NEDD9: variants seen among roughly 807,000 people sequenced by gnomAD.
NEDD9 encodes neural precursor cell expressed, developmentally down-regulated 9, also known as enhancer of filamentation 1.
A neutral mutation model predicts 76.6 loss-of-function variants in NEDD9; 26 were observed. That is an observed-to-expected ratio of 0.34 (90% CI 0.25 to 0.47). NEDD9 has a LOEUF of 0.47. Among genes scored for constraint, NEDD9 ranks in the 20% least tolerant of loss-of-function variants. The pLI, the probability that NEDD9 is intolerant of heterozygous loss-of-function variation, is 1.00. For missense variants in NEDD9, 937 were observed against 1,058.5 expected (o/e 0.89, Z 1.59); for synonymous variants, 392 against 414.2 (o/e 0.95, Z 0.65).
At chr6:11,233,178 C>T (rs1759531724), upstream of NEDD9, 7 of 513,392 alleles carry the variant, frequency 1.4e-5, no homozygotes, top group South Asian at 7.0e-5. Context: ...TTTCCCCCTC[C>T]TCCCGCCTAC....
At chr6:11,371,411 T>C (rs1762872360) in intron 1 of NEDD9, among the ~76,000 whole-genome samples, 1 of 152,140 alleles carries the variant, frequency 6.6e-6, no homozygotes, top group Non-Finnish European at 1.5e-5. Flanking sequence ...CCTCAAATCT[T>C]CCATGCCTCA....
intron 3 of NEDD9, among the ~76,000 whole-genome samples, chr6:11,301,873 G>C (rs896504741): frequency 6.6e-6 from 1 of 152,210 alleles, no homozygotes; most frequent in Non-Finnish European, 1.5e-5. Context: ...GCAGTGTGTA[G>C]AGGGAAATTT....
At chr6:11,378,625 A>G (rs1763007005) in intron 1 of NEDD9, among the ~76,000 whole-genome samples, 1 of 152,180 alleles carries the variant, frequency 6.6e-6, no homozygotes, top group Admixed American at 6.5e-5. Context: ...GATACCTTAT[A>G]TATACTTTTT....
chr6:11,230,198 C>A (rs909574062), intron 1 of NEDD9, among the ~76,000 whole-genome samples: 1 of 152,184 alleles, frequency 6.6e-6, no homozygotes, highest in African/African-American at 2.4e-5. Flanking sequence ...AAGAAATTAT[C>A]CTGCAGGAAT....
intron 2 of NEDD9, among the ~76,000 whole-genome samples, chr6:11,306,589 G>T (rs1427358571): frequency 6.6e-6 from 1 of 152,106 alleles, no homozygotes; most frequent in African/African-American, 2.4e-5. Flanking sequence ...TACAGTTTTA[G>T]TCTTGTCATT....
intron 3 of NEDD9, among the ~76,000 whole-genome samples, chr6:11,278,072 C>T (rs151248185): frequency 7.2e-4 from 109 of 152,300 alleles, no homozygotes; most frequent in African/African-American, 2.6e-3. Context: ...CTCTCTGCTG[C>T]CTCCCTGCTT....
intron 1 of NEDD9, among the ~76,000 whole-genome samples, chr6:11,335,299 A>T (rs1762133465): frequency 6.6e-6 from 1 of 152,156 alleles, no homozygotes; most frequent in Non-Finnish European, 1.5e-5. Context: ...TCCAAAGCCA[A>T]ACTTGCACCA....
intron 2 of NEDD9, among the ~76,000 whole-genome samples, chr6:11,309,031 A>G (rs1433399585): frequency 6.6e-6 from 1 of 152,190 alleles, no homozygotes; most frequent in Non-Finnish European, 1.5e-5. Flanking sequence ...GGGCCTGCCT[A>G]CAGGTGACTA....
intron 3 of NEDD9, among the ~76,000 whole-genome samples, chr6:11,293,998 A>C (rs1405444064): frequency 8.3e-6 from 1 of 120,952 alleles, no homozygotes; most frequent in South Asian, 3.1e-4. Context: ...ATAGAATTCC[A>C]TTGTGTAAGT....
chr6:11,248,535 C>T (rs886435818), intron 3 of NEDD9, among the ~76,000 whole-genome samples: 6 of 152,204 alleles, frequency 3.9e-5, no homozygotes, highest in African/African-American at 7.2e-5. Flanking sequence ...GTACAGAAAA[C>T]GGCAATAGGC....
chr6:11,280,000 C>T (rs1760502498), intron 3 of NEDD9, among the ~76,000 whole-genome samples: 2 of 152,168 alleles, frequency 1.3e-5, no homozygotes, highest in Non-Finnish European at 2.9e-5. Flanking sequence ...CCTGCCTGGG[C>T]AGGATTCTCA....
intron 2 of NEDD9, among the ~76,000 whole-genome samples, chr6:11,308,795 C>G (rs541124804): frequency 2.0e-4 from 31 of 152,174 alleles, no homozygotes; most frequent in Non-Finnish European, 3.8e-4. Flanking sequence ...TTGTCATGCT[C>G]CAAGGAATCC....
chr6:11,291,431 A>C (rs867174280), intron 3 of NEDD9, among the ~76,000 whole-genome samples: 1 of 151,808 alleles, frequency 6.6e-6, no homozygotes, highest in Non-Finnish European at 1.5e-5. Flanking sequence ...CCTGCCACCA[A>C]GCCCAGCTAA....
At chr6:11,224,285 G>A (rs1759240307) in intron 1 of NEDD9, among the ~76,000 whole-genome samples, 1 of 152,182 alleles carries the variant, frequency 6.6e-6, no homozygotes, top group South Asian at 2.1e-4. Flanking sequence ...CAGTGCCTCT[G>A]GGCCTCTGTG....
intron 2 of NEDD9, among the ~76,000 whole-genome samples, chr6:11,313,428 G>A (rs1215090860): frequency 7.3e-6 from 1 of 137,720 alleles, no homozygotes; most frequent in African/African-American, 2.6e-5. Flanking sequence ...TAGATGGATG[G>A]GTGGGTGGGT....
intron 3 of NEDD9, among the ~76,000 whole-genome samples, chr6:11,288,008 C>A (rs558543510): frequency 6.6e-6 from 1 of 152,276 alleles, no homozygotes; most frequent in East Asian, 1.9e-4. Context: ...TGGCACATGG[C>A]CTGTTAAAAT....
intron 3 of NEDD9, among the ~76,000 whole-genome samples, chr6:11,291,367 C>T (rs538386954): frequency 2.7e-5 from 4 of 150,898 alleles, no homozygotes; most frequent in Admixed American, 2.6e-4. Flanking sequence ...CTCCGCCTCC[C>T]GGGTTCACGC....
rs904028138 is a variant in NEDD9, at chr6:11,371,176, T to C, written c.-214+10963A>G. The stretch of plus-strand genomic sequence containing the variant: ...GAGAAAAAGGTACAGAGATTTCCCA[T>C]ATACCTCCTGCTCCCACATGCACAC... On this transcript the variant is annotated intron_variant, in intron 1 of 3. Coordinates refer to the NEDD9 transcript ENST00000397378. 5.3e-5 allele frequency among the ~76,000 whole-genome samples: 8 copies of C among 152,304 alleles called. No homozygotes were observed. The East Asian group carries it at 9.6e-4, about 18-fold the overall frequency.
At chr6:11,355,553 C>T (rs1762549880) in intron 1 of NEDD9, among the ~76,000 whole-genome samples, 1 of 152,062 alleles carries the variant, frequency 6.6e-6, no homozygotes, top group Admixed American at 6.5e-5. Flanking sequence ...TCTGGGATGC[C>T]TTTAGTCTTG....
Sources: gnomAD v4.1 joint callset for allele counts (sites outside exome capture counted in the v4.1 genomes callset) on GRCh38, gnomAD v4.1.1 for gene constraint, MANE v1.5 for transcripts, NCBI Gene and HGNC (gene_info 2026-07-23, HGNC 2026-07-21) for gene names.